SUMF1: variants seen among roughly 807,000 people sequenced by gnomAD.
The protein encoded by SUMF1 is sulfatase modifying factor 1.
Under a neutral mutation model 47.6 loss-of-function variants are expected in SUMF1, and 48 were observed. The observed-to-expected ratio is 1.01, with a 90% CI of 0.80 to 1.28. The LOEUF is 1.28. Ranked by LOEUF, SUMF1 falls within the 50% of genes most tolerant of loss-of-function variation. The pLI is 0.00. For synonymous variants in SUMF1, 230 were observed against 192.1 expected (o/e 1.20, Z -1.63); for missense variants, 571 against 485.4 (o/e 1.18, Z -1.66).
chr3:4,150,933 A>T lies in SUMF1; in HGVS notation c.1015-82188T>A, dbSNP rs143002827. On this transcript the variant is annotated intron_variant and NMD_transcript_variant, in intron 8 of 12. Coordinates refer to the SUMF1 transcript ENST00000448413. ...CTCCCTGTGCCCCAAAACGGCCAGC[A>T]AACTCTTTCTGCTCTCTTCGAAAGT... Among the ~76,000 whole-genome samples the T allele has an allele frequency of 2.2e-3, 331 of 151,558 alleles. 21 individuals carry two copies. Among genetic ancestry groups the T allele is most frequent in the African/African-American group, 8.0e-3 (325 of 40,870 alleles).
At chr3:4,162,361 C>A (rs945090756) in intron 8 of SUMF1, among the ~76,000 whole-genome samples, 1 of 152,244 alleles carries the variant, frequency 6.6e-6, no homozygotes, top group African/African-American at 2.4e-5. Flanking sequence ...TGGCTCTGAG[C>A]CCAGCACATG....
chr3:4,091,603 G>A (rs771192796), intron 8 of SUMF1, among the ~76,000 whole-genome samples: 10 of 152,010 alleles, frequency 6.6e-5, no homozygotes, highest in Admixed American at 1.3e-4. Context: ...AGACAACCTC[G>A]AATAGGATAA....
intron 2 of SUMF1, among the ~76,000 whole-genome samples, chr3:4,451,096 T>A (rs1177107294): frequency 8.8e-6 from 1 of 114,032 alleles, no homozygotes; most frequent in Non-Finnish European, 1.8e-5. Flanking sequence ...AATAAAAAAA[T>A]AAAATAAAAT....
At chr3:4,289,130 C>T (rs1157942303) in intron 8 of SUMF1, among the ~76,000 whole-genome samples, 1 of 152,182 alleles carries the variant, frequency 6.6e-6, no homozygotes, top group African/African-American at 2.4e-5. Context: ...CTGAACAACA[C>T]TGAAAGCAAC....
intron 9 of SUMF1, among the ~76,000 whole-genome samples, chr3:4,048,099 C>G (rs1316304028): frequency 6.6e-6 from 1 of 152,078 alleles, no homozygotes. Flanking sequence ...AAGTAATATT[C>G]CATTTCCTAT....
At chr3:4,465,908 C>T (rs936361252) in intron 1 of SUMF1, among the ~76,000 whole-genome samples, 8 of 152,142 alleles carry the variant, frequency 5.3e-5, no homozygotes, top group African/African-American at 1.9e-4. Context: ...TGGATGTTAC[C>T]TCTCACCTAA....
intron 8 of SUMF1, among the ~76,000 whole-genome samples, chr3:4,300,347 A>C (rs1295471747): frequency 6.6e-6 from 1 of 152,238 alleles, no homozygotes; most frequent in East Asian, 1.9e-4. Context: ...TACAGCCTGC[A>C]GAGCCATGAG....
At chr3:4,243,323 C>G (rs929867848) in intron 8 of SUMF1, among the ~76,000 whole-genome samples, 4 of 152,102 alleles carry the variant, frequency 2.6e-5, no homozygotes, top group Non-Finnish European at 5.9e-5. Context: ...TTTGTTTGCT[C>G]TTGCTTCTCA....
intron 8 of SUMF1, among the ~76,000 whole-genome samples, chr3:4,283,412 G>T (rs17040333): frequency 2.0e-5 from 3 of 152,190 alleles, no homozygotes; most frequent in Middle Eastern, 3.4e-3. Flanking sequence ...ATATTAATAC[G>T]TTCTCCAACC....
At chr3:4,321,830 G>C (rs1215126651) in intron 8 of SUMF1, among the ~76,000 whole-genome samples, 2 of 152,112 alleles carry the variant, frequency 1.3e-5, no homozygotes, top group Non-Finnish European at 1.5e-5. Context: ...ATGGAAAGTT[G>C]AGGGTGGAGG....
At chr3:4,355,899 T>C (rs931401920) in intron 8 of SUMF1, among the ~76,000 whole-genome samples, 2 of 152,232 alleles carry the variant, frequency 1.3e-5, no homozygotes, top group African/African-American at 2.4e-5. Flanking sequence ...TAGAATCTGA[T>C]CTGAAGCTGA....
chr3:4,261,577 T>C (rs1697085577), intron 8 of SUMF1, among the ~76,000 whole-genome samples: 1 of 152,236 alleles, frequency 6.6e-6, no homozygotes, highest in Non-Finnish European at 1.5e-5. Context: ...ACATTTTCTG[T>C]TGGCTTAGGT....
chr3:4,120,419 CAAAAAGA>C (rs1693512210), intron 8 of SUMF1, among the ~76,000 whole-genome samples: 1 of 152,086 alleles, frequency 6.6e-6, no homozygotes, highest in Non-Finnish European at 1.5e-5. Context: ...ACACACTTTA[CAAAAAGA>C]TATTTCAAAG....
intron 1 of SUMF1, among the ~76,000 whole-genome samples, chr3:4,458,610 C>A (rs1403504780): frequency 6.6e-6 from 1 of 152,168 alleles, no homozygotes; most frequent in Non-Finnish European, 1.5e-5. Context: ...AATCCCAGCA[C>A]TTTGGGAGGC....
chr3:4,267,745 G>T (rs1340221541), intron 8 of SUMF1, among the ~76,000 whole-genome samples: 7 of 150,404 alleles, frequency 4.7e-5, no homozygotes, highest in African/African-American at 1.5e-4. Flanking sequence ...AACAGGTGCT[G>T]GAGAGGATGT....
chr3:4,133,810 T>G (rs1251441355), intron 8 of SUMF1, among the ~76,000 whole-genome samples: 1 of 152,088 alleles, frequency 6.6e-6, no homozygotes, highest in African/African-American at 2.4e-5. Context: ...CCTTTATATA[T>G]GTATATCTAT....
chr3:4,091,337 G>T (rs975848103), intron 8 of SUMF1, among the ~76,000 whole-genome samples: 6 of 152,086 alleles, frequency 3.9e-5, no homozygotes, highest in Non-Finnish European at 5.9e-5. Context: ...CTGACGCCTT[G>T]AACATGATAG....
chr3:4,212,979 A>T (rs970459349), intron 8 of SUMF1, among the ~76,000 whole-genome samples: 3 of 152,202 alleles, frequency 2.0e-5, no homozygotes, highest in African/African-American at 7.2e-5. Context: ...CCAAGTTGGA[A>T]AACACTCTTC....
At chr3:4,229,520 T>C (rs1559590544) in intron 8 of SUMF1, among the ~76,000 whole-genome samples, 1 of 152,114 alleles carries the variant, frequency 6.6e-6, no homozygotes, top group African/African-American at 2.4e-5. Context: ...TTACCTTGCT[T>C]AGGAGGTTGC....
Sources: allele counts gnomAD v4.1 joint callset (sites outside exome capture counted in the v4.1 genomes callset), GRCh38; gene constraint gnomAD v4.1.1; transcripts MANE v1.5; gene names NCBI Gene and HGNC (gene_info 2026-07-23, HGNC 2026-07-21).